The following KPNA3 variants were observed in gnomAD, a reference collection of about 807,000 sequenced individuals.
The protein encoded by KPNA3 is importin subunit alpha-4.
A neutral mutation model predicts 73.8 loss-of-function variants in KPNA3; 13 were observed. The observed-to-expected ratio is 0.18, with a 90% confidence interval of 0.11 to 0.28. The LOEUF (loss-of-function observed/expected upper bound fraction) is 0.28. Among genes scored for constraint, KPNA3 ranks in the 10% least tolerant of loss-of-function variants. The pLI is 1.00. For synonymous variants in KPNA3, 186 were observed against 206.9 expected (o/e 0.90, Z 0.87); for missense variants, 360 against 618.1 (o/e 0.58, Z 4.43).
intron 2 of KPNA3, among the ~76,000 whole-genome samples, chr13:49,740,191 G>A (rs554799813): frequency 6.6e-6 from 1 of 151,284 alleles, no homozygotes; most frequent in Admixed American, 6.6e-5. Context: ...AAGTTGCAGC[G>A]AGCCAAGATT....
chr13:49,767,797 T>C (rs1954821076), intron 1 of KPNA3, among the ~76,000 whole-genome samples: 1 of 152,128 alleles, frequency 6.6e-6, no homozygotes, highest in South Asian at 2.1e-4. Flanking sequence ...GAAAGTACCT[T>C]CCATAACAAG....
intron 2 of KPNA3, among the ~76,000 whole-genome samples, chr13:49,739,088 A>G (rs1954550206): frequency 6.6e-6 from 1 of 152,170 alleles, no homozygotes. Context: ...AATTTAGAGT[A>G]TTTTTAAAAG....
Position 49,701,350 on chromosome 13 carries a change from G to T in KPNA3, c.*450C>A. The T allele has an allele frequency of 3.9e-6, 1 of 256,916 alleles. No individual in the cohort carries two copies. Among genetic ancestry groups the T allele is most frequent in the Admixed American group, 4.8e-5 (1 of 20,954 alleles). 15.9% of individuals were successfully genotyped at this position (256,916 alleles called of 1,614,324 possible). A position where few individuals can be genotyped will look rare whatever the true frequency, so the allele number is the denominator to read the frequency against. On this transcript the variant is annotated 3_prime_UTR_variant, in exon 17 of 17. Transcript: ENST00000261667. ...ATAAAGAATATGAAAATATGTTTGT[G>T]GAGGACAATGATGGAGGCTCAGATC...
intron 10 of KPNA3, among the ~76,000 whole-genome samples, chr13:49,712,884 GAAAA>G (rs879363717): frequency 8.4e-6 from 1 of 119,434 alleles, no homozygotes; most frequent in African/African-American, 3.1e-5. Flanking sequence ...GCTTAGCAGA[GAAAA>G]AAAAAAACAC....
intron 7 of KPNA3, 97 bp from the exon 8 acceptor site, chr13:49,722,660 T>C (rs1954370526): frequency 8.7e-6 from 6 of 692,094 alleles, no homozygotes; most frequent in Admixed American, 3.0e-5. Flanking sequence ...GCCTGGCATA[T>C]TGTAGCTGGA....
chr13:49,770,257 C>G (rs1216426977), intron 1 of KPNA3, among the ~76,000 whole-genome samples: 1 of 146,880 alleles, frequency 6.8e-6, no homozygotes, highest in African/African-American at 2.5e-5. Context: ...CTTGCTGCAG[C>G]CTCAACCTCC....
intron 1 of KPNA3, among the ~76,000 whole-genome samples, chr13:49,760,151 G>A (rs564578554): frequency 1.2e-4 from 19 of 152,110 alleles, no homozygotes; most frequent in South Asian, 4.1e-4. Context: ...AGCCGGGCAC[G>A]GTGGCTCATG....
At position 49,725,442 on chromosome 13, in the gene KPNA3, G is replaced by A. The variant is rs766127523; in HGVS notation, c.443C>T (p.Ala148Val). 2 of 1,613,042 alleles carry A rather than the reference G, an allele frequency of 1.2e-6. No homozygotes were observed. Among genetic ancestry groups the A allele is most frequent in the Admixed American group, 1.7e-5 (1 of 59,984 alleles). Residue 148 changes from alanine (A) to valine (V), a missense_variant, in exon 7 of 17, where the codon GCA becomes GTA. Coordinates refer to ENST00000261667, the MANE Select transcript of KPNA3 (RefSeq NM_002267.4). ...AGACTGCACAACAGCTTGAGTCTGT[G>A]CAGAAGTTCCTGATGCTATGTTAGT... Reference protein sequence around the residue: ...ALTNIASGTSAQTQAVVQSNA... With the variant: ...ALTNIASGTSVQTQAVVQSNA...
chr13:49,723,313 T>C (rs1745749255), intron 7 of KPNA3, among the ~76,000 whole-genome samples: 4 of 152,180 alleles, frequency 2.6e-5, no homozygotes, highest in Admixed American at 2.6e-4. Flanking sequence ...GGCTCATGCC[T>C]GTAATCCTAA....
intron 1 of KPNA3, among the ~76,000 whole-genome samples, chr13:49,790,839 T>C (rs1955027125): frequency 1.3e-5 from 2 of 152,252 alleles, no homozygotes; most frequent in Non-Finnish European, 2.9e-5. Flanking sequence ...AGAAGAATGT[T>C]ACTGGTTTTT....
chr13:49,708,674 C>T (rs1954230990), intron 12 of KPNA3, among the ~76,000 whole-genome samples: 1 of 152,096 alleles, frequency 6.6e-6, no homozygotes, highest in Admixed American at 6.5e-5. Context: ...TGTATACATA[C>T]AATGGAATAT....
chr13:49,703,217 T>C (rs1954166661), intron 15 of KPNA3, among the ~76,000 whole-genome samples: 1 of 125,212 alleles, frequency 8.0e-6, no homozygotes, highest in Non-Finnish European at 1.6e-5. Context: ...GGAGTCTCAC[T>C]CTGTAGCCAG....
intron 2 of KPNA3, among the ~76,000 whole-genome samples, chr13:49,736,694 ATG>A (rs986395843): frequency 5.3e-5 from 8 of 152,104 alleles, no homozygotes; most frequent in East Asian, 1.9e-4. Flanking sequence ...ATGTATTTGC[ATG>A]TGTGTGTGTG....
At chr13:49,705,831 T>C in intron 14 of KPNA3, 48 bp from the exon 15 acceptor site, 1 of 1,448,960 alleles carries the variant, frequency 6.9e-7, no homozygotes, top group Non-Finnish European at 9.2e-7. Context: ...AATTATCTAT[T>C]TCCCAGTAGG....
At chr13:49,714,717 T>C (rs533829725) in intron 10 of KPNA3, among the ~76,000 whole-genome samples, 11 of 152,146 alleles carry the variant, frequency 7.2e-5, no homozygotes, top group Admixed American at 1.3e-4. Context: ...AATAAAACAA[T>C]AGAAGTATAA....
intron 1 of KPNA3, among the ~76,000 whole-genome samples, chr13:49,769,031 TATGTTTTA>T (rs1333885370): frequency 6.6e-6 from 1 of 152,188 alleles, no homozygotes; most frequent in East Asian, 1.9e-4. Context: ...ACAAGATAGT[TATGTTTTA>T]AGAATAGGCT....
chr13:49,706,230 C>T, intron 13 of KPNA3, 38 bp downstream of exon 13: 1 of 1,610,084 alleles, frequency 6.2e-7, no homozygotes, highest in East Asian at 2.2e-5. Context: ...TGGTTATTAA[C>T]AGATTAACAG....
intron 15 of KPNA3, among the ~76,000 whole-genome samples, chr13:49,703,370 C>T (rs553357601): frequency 2.4e-4 from 36 of 151,284 alleles, no homozygotes; most frequent in Non-Finnish European, 4.6e-4. Context: ...TTAGTAGAGA[C>T]GGGGTTTCAC....
At chr13:49,736,721 C>A (rs936720867) in intron 2 of KPNA3, among the ~76,000 whole-genome samples, 3 of 152,156 alleles carry the variant, frequency 2.0e-5, no homozygotes, top group Non-Finnish European at 1.5e-5. Context: ...ACATCCCATA[C>A]AATTTTATCA....
Sources: allele counts gnomAD v4.1 joint callset (sites outside exome capture counted in the v4.1 genomes callset), GRCh38; gene constraint gnomAD v4.1.1; transcripts MANE v1.5; gene names NCBI Gene and HGNC (gene_info 2026-07-23, HGNC 2026-07-21).